PACS1: variants seen among roughly 807,000 people sequenced by gnomAD.
PACS1 encodes the protein phosphofurin acidic cluster sorting protein 1.
Under a neutral mutation model 115.0 loss-of-function variants are expected in PACS1, and 24 were observed. The ratio of observed to expected loss-of-function variants is 0.21; its 90% CI spans 0.15 to 0.29. The LOEUF (loss-of-function observed/expected upper bound fraction) is 0.29. Ranked by LOEUF, PACS1 falls within the 10% of genes least tolerant of loss-of-function variation. The pLI is 1.00. For synonymous variants in PACS1, 453 were observed against 504.5 expected (o/e 0.90, Z 1.37); for missense variants, 838 against 1,251.2 (o/e 0.67, Z 4.98).
intron 2 of PACS1, among the ~76,000 whole-genome samples, chr11:66,198,550 TC>T (rs1854699518): frequency 6.8e-6 from 1 of 147,168 alleles, no homozygotes; most frequent in Non-Finnish European, 1.5e-5. Flanking sequence ...AATAGGCAGA[TC>T]CCTAGGGTCA....
chr11:66,077,278 C>T (rs1048275355), intron 1 of PACS1, among the ~76,000 whole-genome samples: 3 of 152,168 alleles, frequency 2.0e-5, no homozygotes, highest in Admixed American at 1.3e-4. Flanking sequence ...TAAAACATTC[C>T]AAGGCTGGGC....
chr11:66,074,344 G>A (rs1268558733), intron 1 of PACS1, among the ~76,000 whole-genome samples: 1 of 152,080 alleles, frequency 6.6e-6, no homozygotes, highest in Non-Finnish European at 1.5e-5. Flanking sequence ...GTCCAGTATG[G>A]CATGGACCGT....
At chr11:66,126,370 C>T (rs1590761893) in intron 1 of PACS1, among the ~76,000 whole-genome samples, 1 of 152,192 alleles carries the variant, frequency 6.6e-6, no homozygotes, top group East Asian at 1.9e-4. Flanking sequence ...AACTGGCAGA[C>T]AGGTAATCCC....
At chr11:66,223,054 CAAAAAAA>C (rs71461612) in intron 10 of PACS1, among the ~76,000 whole-genome samples, 14 of 75,006 alleles carry the variant, frequency 1.9e-4, no homozygotes, top group African/African-American at 5.4e-4. Context: ...CCTCGATTTA[CAAAAAAA>C]AAAAAAAAAA....
chr11:66,230,587 A>G lies in PACS1; in HGVS notation c.1414A>G (p.Ser472Gly). The change falls in exon 12 of 24, where the codon AGT (serine) becomes GGT (glycine). Residue 472 changes from serine (S) to glycine (G), a missense_variant. Physicochemically the swap from Ser to Gly is moderately conservative, Grantham distance 56. This residue lies in a region of PACS1 where 383 missense variants were observed against 537.0 expected (regional missense o/e 0.71). Coordinates refer to ENST00000320580, the MANE Select transcript of PACS1 (RefSeq NM_018026.4). ...DQDMFGDASTSLVVPEKVKTP... is the reference protein window; with the variant it reads ...DQDMFGDASTGLVVPEKVKTP... ...GGACATGTTTGGAGATGCCAGCACG[A>G]GTCTGGTTGTGCCGGAGAAAGTCAA... The G allele has an allele frequency of 1.2e-6, 2 of 1,614,168 alleles. No homozygotes were observed. The highest frequency in any genetic ancestry group is 1.7e-6 in the Non-Finnish European group (2 of 1,180,002).
Position 66,243,437 on chromosome 11 carries a change from G to GCCTTC in PACS1, c.*161_*165dup, listed in dbSNP as rs1404482831. The stretch of plus-strand genomic sequence containing the variant: ...TCCCGAAGGACACTGCCACAGGGAC[G>GCCTTC]CCTTCCCTCCCCTCCCCTCCAGCCC... On this transcript the variant is annotated 3_prime_UTR_variant, in exon 24 of 24. Transcript: ENST00000320580. 4 of 610,684 alleles carry GCCTTC rather than the reference G, an allele frequency of 6.6e-6. No individual in the cohort carries two copies. The African/African-American group carries it at 7.4e-5, about 11-fold the overall frequency. 37.8% of individuals were successfully genotyped at this position (610,684 alleles called of 1,614,324 possible).
intron 1 of PACS1, among the ~76,000 whole-genome samples, chr11:66,172,413 T>G (rs1273474335): frequency 2.6e-5 from 4 of 152,218 alleles, no homozygotes; most frequent in African/African-American, 7.2e-5. Flanking sequence ...TTGCTCTTTC[T>G]TGGGCCACTC....
chr11:66,155,845 G>A (rs1735626222), intron 1 of PACS1, among the ~76,000 whole-genome samples: 1 of 152,098 alleles, frequency 6.6e-6, no homozygotes, highest in African/African-American at 2.4e-5. Context: ...GTGAATGGAT[G>A]AACAAACTGT....
chr11:66,086,535 G>C (rs1044633641), intron 1 of PACS1, among the ~76,000 whole-genome samples: 1 of 152,230 alleles, frequency 6.6e-6, no homozygotes, highest in Non-Finnish European at 1.5e-5. Context: ...TTATGAACCT[G>C]ATGAAGCTTT....
intron 1 of PACS1, among the ~76,000 whole-genome samples, chr11:66,190,980 C>T (rs1854507020): frequency 6.6e-6 from 1 of 152,330 alleles, no homozygotes; most frequent in Admixed American, 6.5e-5. Context: ...CCTACTGCTG[C>T]TGTGACGAGT....
intron 17 of PACS1, among the ~76,000 whole-genome samples, chr11:66,234,770 G>A (rs1203551): frequency 0.014 from 2,126 of 152,158 alleles, 40 homozygotes; most frequent in African/African-American, 0.048. Context: ...CCAGCTACTC[G>A]GGAGGCTGAG....
rs756417166 is a variant in PACS1 at position 66,070,581 on chromosome 11, CGCCGCCGCAGCAGCAGCAGCAGCA to C, written c.110_133del (p.Gln37_Gln44del). Reference sequence around the variant, plus strand: ...GGGGTCGCCCAGTCCCCTCAGCAGCCGCCGCCGCAGCAGCAGCAGCAGCAGCCGCCGCAGCAGCCGACGCCCCCC... The same window carrying C: ...GGGGTCGCCCAGTCCCCTCAGCAGCCGCCGCCGCAGCAGCCGACGCCCCCC... On this transcript the variant is annotated inframe_deletion, in exon 1 of 24. Coordinates refer to ENST00000320580, the MANE Select transcript of PACS1 (RefSeq NM_018026.4). The surrounding 1 kb of genome is among the most constrained non-coding windows in gnomAD (Gnocchi z 5.9). 2.9e-5 allele frequency: 43 copies of C among 1,493,540 alleles called. No individual in the cohort carries two copies. Among genetic ancestry groups the C allele is most frequent in the African/African-American group, 1.2e-4 (8 of 68,600 alleles). 92.5% of individuals were successfully genotyped at this position (1,493,540 alleles called of 1,614,324 possible).
intron 11 of PACS1, among the ~76,000 whole-genome samples, chr11:66,229,157 T>C (rs1684798421): frequency 6.9e-6 from 1 of 145,098 alleles, no homozygotes; most frequent in African/African-American, 2.5e-5. Flanking sequence ...AGGCACATTG[T>C]TTGAGCCTGG....
chr11:66,180,754 GCT>G (rs543462863), intron 1 of PACS1, among the ~76,000 whole-genome samples: 1 of 152,002 alleles, frequency 6.6e-6, no homozygotes, highest in Non-Finnish European at 1.5e-5. Context: ...GACCTCCTGG[GCT>G]CAAGTGATCC....
intron 1 of PACS1, among the ~76,000 whole-genome samples, chr11:66,102,261 C>T (rs926196948): frequency 6.6e-6 from 1 of 152,052 alleles, no homozygotes; most frequent in Non-Finnish European, 1.5e-5. Context: ...AGGACAGACA[C>T]GTGATTCTGA....
At chr11:66,136,602 C>T (rs542685453) in intron 1 of PACS1, among the ~76,000 whole-genome samples, 1 of 152,068 alleles carries the variant, frequency 6.6e-6, no homozygotes, top group Admixed American at 6.5e-5. Context: ...TTTTAAGCAC[C>T]CTCAGTAATC....
Position 66,238,814 on chromosome 11 carries a change from T to G in PACS1, c.2261T>G (p.Val754Gly). The G allele has an allele frequency of 6.3e-7, 1 of 1,587,990 alleles. No homozygotes were observed. The highest frequency in any genetic ancestry group is 8.6e-7 in the Non-Finnish European group (1 of 1,165,266). ...CTTCTCTCCTTGCAGGTGGTGAAGG[T>G]GGGTCTGGTTGAAGACTCTCCCTCC... ...KFIPFIGVVK[V>G]GLVEDSPSTA... The change falls in exon 20 of 24, where the codon GTG becomes GGG. Residue 754 changes from valine to glycine, a missense_variant. By Grantham distance (109) the Val-to-Gly change is moderately radical. Coordinates refer to ENST00000320580, the MANE Select transcript of PACS1 (RefSeq NM_018026.4).
chr11:66,125,424 T>C (rs1858549342), intron 1 of PACS1, among the ~76,000 whole-genome samples: 2 of 152,258 alleles, frequency 1.3e-5, no homozygotes, highest in Non-Finnish European at 2.9e-5. Context: ...ACTTGCTGTT[T>C]AATGGGATTT....
intron 1 of PACS1, among the ~76,000 whole-genome samples, chr11:66,121,801 T>G (rs937109475): frequency 6.6e-6 from 1 of 152,212 alleles, no homozygotes; most frequent in Non-Finnish European, 1.5e-5. Flanking sequence ...GAGAAAAGTT[T>G]GAAGCTAGCA....
Sources: gnomAD v4.1 joint callset for allele counts (sites outside exome capture counted in the v4.1 genomes callset) on GRCh38, gnomAD v4.1.1 for gene constraint, gnomAD v4.1.1 regional missense constraint, Gnocchi (gnomAD v3.1) non-coding constraint, MANE v1.5 for transcripts, NCBI Gene and HGNC (gene_info 2026-07-23, HGNC 2026-07-21) for gene names.